Variants in LINGO1 observed in about 807,000 individuals in gnomAD.
LINGO1 encodes leucine rich repeat and Ig domain containing 1.
Under a neutral mutation model 37.3 loss-of-function variants are expected in LINGO1, and 11 were observed. The observed-to-expected ratio is 0.29, with a 90% CI of 0.19 to 0.49. The LOEUF (loss-of-function observed/expected upper bound fraction) is 0.49, where lower values mean the gene tolerates loss of function less well. Among genes scored for constraint, LINGO1 ranks in the 20% least tolerant of loss-of-function variants. The pLI is 0.99. For missense variants in LINGO1, 585 were observed against 878.2 expected (o/e 0.67, Z 4.22); for synonymous variants, 387 against 403.0 (o/e 0.96, Z 0.48).
chr15:77,801,684 T>C (rs146526179), intron 1 of LINGO1, among the ~76,000 whole-genome samples: 1 of 151,736 alleles, frequency 6.6e-6, no homozygotes, highest in African/African-American at 2.4e-5. Flanking sequence ...CCAACATCCA[T>C]CCATTCAGCC....
At chr15:77,668,707 A>T (rs536287111) in intron 3 of LINGO1, among the ~76,000 whole-genome samples, 1 of 152,120 alleles carries the variant, frequency 6.6e-6, no homozygotes, top group Non-Finnish European at 1.5e-5. Context: ...CCCCAGAGAC[A>T]CACGTGGAAA....
intron 1 of LINGO1, among the ~76,000 whole-genome samples, chr15:77,747,653 G>C (rs1440487499): frequency 1.3e-5 from 2 of 152,200 alleles, no homozygotes; most frequent in Non-Finnish European, 2.9e-5. Flanking sequence ...TGAGCCCTGG[G>C]GGAGGGGAGT....
intron 1 of LINGO1, among the ~76,000 whole-genome samples, chr15:77,744,233 A>G (rs1161530608): frequency 6.6e-6 from 1 of 152,116 alleles, no homozygotes; most frequent in Non-Finnish European, 1.5e-5. Flanking sequence ...TCTGACCCTC[A>G]GTAAGAATAA....
chr15:77,701,423 A>G (rs1347440596), upstream of LINGO1, among the ~76,000 whole-genome samples: 1 of 152,084 alleles, frequency 6.6e-6, no homozygotes, highest in Non-Finnish European at 1.5e-5. Flanking sequence ...CCTGCCCCAA[A>G]GCATCCCACC....
At chr15:77,794,308 A>G (rs77947155) in intron 2 of LINGO1, among the ~76,000 whole-genome samples, 3,944 of 125,526 alleles carry the variant, frequency 0.031, 601 homozygotes, top group African/African-American at 0.055. Flanking sequence ...ATATATACAT[A>G]TATGTGTATA....
chr15:77,796,945 T>A (rs185798215), intron 1 of LINGO1, among the ~76,000 whole-genome samples: 1 of 152,214 alleles, frequency 6.6e-6, no homozygotes, highest in Non-Finnish European at 1.5e-5. Context: ...TAAGCAGTCC[T>A]CCTGCCTTGA....
intron 1 of LINGO1, among the ~76,000 whole-genome samples, chr15:77,777,330 T>C (rs954514485): frequency 3.3e-5 from 5 of 151,756 alleles, no homozygotes; most frequent in African/African-American, 1.2e-4. Flanking sequence ...GCGCACACAC[T>C]TGCCCCTCCC....
chr15:77,701,950 G>A (rs575296231), intron 2 of LINGO1, among the ~76,000 whole-genome samples: 92 of 152,310 alleles, frequency 6.0e-4, no homozygotes, highest in Non-Finnish European at 9.7e-4. Flanking sequence ...GAGTTTGGGG[G>A]TGTGGTTTAA....
intron 1 of LINGO1, among the ~76,000 whole-genome samples, chr15:77,621,867 G>A (rs1474071597): frequency 1.3e-5 from 2 of 152,164 alleles, no homozygotes; most frequent in African/African-American, 2.4e-5. Context: ...AGTATTTCAC[G>A]GTGCTCCCAC....
chr15:77,766,886 T>G (rs2076535269), intron 1 of LINGO1, among the ~76,000 whole-genome samples: 1 of 152,060 alleles, frequency 6.6e-6, no homozygotes, highest in African/African-American at 2.4e-5. Flanking sequence ...AGCAGAATTT[T>G]TAAAAAAAAA....
chr15:77,644,174 G>C (rs1374209686), intron 3 of LINGO1, among the ~76,000 whole-genome samples: 1 of 152,224 alleles, frequency 6.6e-6, no homozygotes, highest in Non-Finnish European at 1.5e-5. Flanking sequence ...GAACTCTGTG[G>C]TATGTGTCAT....
intron 1 of LINGO1, among the ~76,000 whole-genome samples, chr15:77,804,871 A>C (rs72730742): frequency 0.069 from 10,583 of 152,284 alleles, 432 homozygotes; most frequent in Non-Finnish European, 0.093. Flanking sequence ...TAGAAATGAC[A>C]GGAGTGAGAG....
rs144466554 is a variant in LINGO1 at position 77,768,681 on chromosome 15, C to T, written c.-257+18188G>A. Among the ~76,000 whole-genome samples, 6 of 152,220 alleles carry T rather than the reference C, an allele frequency of 3.9e-5. No homozygotes were observed. The East Asian group carries it at 1.2e-3, about 29-fold the overall frequency. On this transcript the variant is annotated intron_variant, in intron 1 of 3. Transcript: ENST00000561686. The stretch of plus-strand genomic sequence containing the variant: ...TGAGTGTCCCTACCCCCACTCTGTC[C>T]CTACCTCCCGACTCTGTCTCTCTTC...
chr15:77,676,527 G>A (rs886969986), intron 3 of LINGO1, among the ~76,000 whole-genome samples: 2 of 152,172 alleles, frequency 1.3e-5, no homozygotes, highest in African/African-American at 2.4e-5. Flanking sequence ...CAGGAGTGGC[G>A]CAGAAATGGC....
intron 1 of LINGO1, among the ~76,000 whole-genome samples, chr15:77,620,961 C>A (rs1451447621): frequency 1.3e-5 from 2 of 152,110 alleles, no homozygotes; most frequent in Non-Finnish European, 1.5e-5. Flanking sequence ...GTGACTCCCC[C>A]ACAGCATCCT....
chr15:77,802,887 G>A (rs750209804), intron 1 of LINGO1, among the ~76,000 whole-genome samples: 3 of 152,060 alleles, frequency 2.0e-5, no homozygotes, highest in East Asian at 1.9e-4. Flanking sequence ...CTCCCTGCCC[G>A]CACTCCTTAC....
chr15:77,630,507 T>C (rs2074223783), intron 1 of LINGO1, among the ~76,000 whole-genome samples: 1 of 151,898 alleles, frequency 6.6e-6, no homozygotes, highest in African/African-American at 2.4e-5. Context: ...ATAGGAGAAA[T>C]GGATGCCCAG....
At chr15:77,808,456 C>A (rs1238002696) in intron 1 of LINGO1, among the ~76,000 whole-genome samples, 1 of 152,188 alleles carries the variant, frequency 6.6e-6, no homozygotes, top group Non-Finnish European at 1.5e-5. Flanking sequence ...CAGCCCTAGA[C>A]CCGAATGCTG....
intron 1 of LINGO1, among the ~76,000 whole-genome samples, chr15:77,757,682 C>T (rs1478988442): frequency 6.6e-6 from 1 of 152,162 alleles, no homozygotes; most frequent in Non-Finnish European, 1.5e-5. Flanking sequence ...GGTGCGGGGA[C>T]AGGGCAAAGA....
Sources: allele counts gnomAD v4.1 joint callset (sites outside exome capture counted in the v4.1 genomes callset), GRCh38; gene constraint gnomAD v4.1.1; transcripts MANE v1.5; gene names NCBI Gene and HGNC (gene_info 2026-07-23, HGNC 2026-07-21).